Variants in PDE10A observed in about 807,000 individuals in gnomAD.
PDE10A encodes the protein cAMP and cAMP-inhibited cGMP 3',5'-cyclic phosphodiesterase 10A.
In PDE10A, 39 loss-of-function variants were observed where a neutral mutation model predicts 97.7. The observed-to-expected ratio is 0.40, with a 90% CI of 0.31 to 0.52. The LOEUF (loss-of-function observed/expected upper bound fraction) is 0.52. Ranked by LOEUF, PDE10A falls within the 20% of genes least tolerant of loss-of-function variation. The pLI is 0.56. For synonymous variants in PDE10A, 371 were observed against 376.8 expected (o/e 0.98, Z 0.18); for missense variants, 731 against 1,047.8 (o/e 0.70, Z 4.17).
chr6:165,345,077 A>G (rs1209538543), intron 18 of PDE10A, among the ~76,000 whole-genome samples: 2 of 152,218 alleles, frequency 1.3e-5, no homozygotes, highest in African/African-American at 4.8e-5. Flanking sequence ...AATGTGAAAA[A>G]CTACCATTTA....
At chr6:165,589,744 G>A (rs909544044) in intron 1 of PDE10A, among the ~76,000 whole-genome samples, 5 of 152,042 alleles carry the variant, frequency 3.3e-5, no homozygotes, top group South Asian at 4.1e-4. Flanking sequence ...AAATGTCACC[G>A]ACTGAAATTG....
At position 165,722,596 on chromosome 6, in the gene PDE10A, G is replaced by C. The variant is rs77847864; in HGVS notation, c.-614-179028C>G. Among the ~76,000 whole-genome samples the C allele has an allele frequency of 2.6e-5, 4 of 152,272 alleles. No individual in the cohort carries two copies. The South Asian group carries it at 6.2e-4, about 24-fold the overall frequency. On this transcript the variant is annotated intron_variant, in intron 1 of 19. Coordinates refer to the PDE10A transcript ENST00000366882. The stretch of plus-strand genomic sequence containing the variant: ...ACATACTGTCATAAAAGTTATGTGA[G>C]CGTGCTCTCTATCTCTCTCAAAATT...
chr6:165,486,443 G>A lies in PDE10A; in HGVS notation c.995-4100C>T, dbSNP rs533368797. 3.9e-5 allele frequency among the ~76,000 whole-genome samples: 6 copies of A among 152,282 alleles called. No individual in the cohort carries two copies. The South Asian group carries it at 8.3e-4, about 21-fold the overall frequency. On this transcript the variant is annotated intron_variant, in intron 2 of 21. Transcript: ENST00000539869. ...TACATACTAAACAATTGTGTGGCTG[G>A]AGCTCCTTAGGTCGCTTCTGAATGT...
chr6:165,410,939 A>AAAAAT (rs776965452), intron 13 of PDE10A, among the ~76,000 whole-genome samples: 2 of 38,506 alleles, frequency 5.2e-5, no homozygotes, highest in African/African-American at 4.5e-4. Context: ...ATACAAAAAA[A>AAAAAT]TAGCCGGGCG....
chr6:165,371,325 A>G (rs1465391939), intron 18 of PDE10A, among the ~76,000 whole-genome samples: 1 of 152,186 alleles, frequency 6.6e-6, no homozygotes, highest in Non-Finnish European at 1.5e-5. Context: ...AAATTGATAG[A>G]CTGCTAGCAA....
chr6:165,913,533 T>A (rs1259192878), intron 1 of PDE10A, among the ~76,000 whole-genome samples: 2 of 152,222 alleles, frequency 1.3e-5, no homozygotes, highest in Non-Finnish European at 2.9e-5. Flanking sequence ...ATTATTTTTA[T>A]TGTTGTATTG....
At chr6:165,589,280 C>A (rs3008062) in intron 1 of PDE10A, among the ~76,000 whole-genome samples, 1 of 152,056 alleles carries the variant, frequency 6.6e-6, no homozygotes, top group Admixed American at 6.5e-5. Flanking sequence ...TAAGGTCCCA[C>A]GCAGCCTGCT....
intron 1 of PDE10A, among the ~76,000 whole-genome samples, chr6:165,563,938 T>C (rs564054572): frequency 1.3e-5 from 2 of 150,468 alleles, no homozygotes; most frequent in East Asian, 3.9e-4. Flanking sequence ...AAAACATACA[T>C]GTACCTACAG....
rs1352420772 is a variant in PDE10A, at chr6:165,422,975, CTTG to C, written c.1654-4201_1654-4199del. Among the ~76,000 whole-genome samples the C allele has an allele frequency of 3.3e-5, 5 of 152,178 alleles. No individual in the cohort carries two copies. In the South Asian group the frequency reaches 6.2e-4, roughly 19 times the overall value. ...GAAACAAATGTGCTTCATTTATTAT[CTTG>C]TTGGTGAAGTGAGTGATATGATATA... On this transcript the variant is annotated intron_variant, in intron 10 of 21. Transcript: ENST00000539869.
chr6:165,680,368 G>A (rs1358264945), intron 1 of PDE10A, among the ~76,000 whole-genome samples: 5 of 152,234 alleles, frequency 3.3e-5, no homozygotes, highest in African/African-American at 9.6e-5. Flanking sequence ...AAACAAGAGA[G>A]GAAATGAGAT....
intron 1 of PDE10A, among the ~76,000 whole-genome samples, chr6:165,704,293 A>G (rs940389581): frequency 4.6e-5 from 7 of 152,322 alleles, no homozygotes; most frequent in African/African-American, 1.7e-4. Flanking sequence ...CCTGGGGATC[A>G]GGAAGGAAAC....
At chr6:165,727,960 T>G (rs1792340035) in intron 1 of PDE10A, among the ~76,000 whole-genome samples, 1 of 144,746 alleles carries the variant, frequency 6.9e-6, no homozygotes, top group Non-Finnish European at 1.5e-5. Flanking sequence ...TTGTGTTTTG[T>G]TTTTTTATTT....
chr6:165,973,579 A>G (rs908098740), intron 1 of PDE10A, among the ~76,000 whole-genome samples: 5 of 152,134 alleles, frequency 3.3e-5, no homozygotes, highest in Non-Finnish European at 7.3e-5. Context: ...TATGAAAAAA[A>G]AAAAAATTCT....
chr6:165,846,591 C>A (rs1780426002), intron 1 of PDE10A, among the ~76,000 whole-genome samples: 1 of 152,234 alleles, frequency 6.6e-6, no homozygotes, highest in African/African-American at 2.4e-5. Flanking sequence ...AGTCCACAAG[C>A]CTTTGCTGAA....
intron 1 of PDE10A, among the ~76,000 whole-genome samples, chr6:165,585,876 G>T (rs973666219): frequency 6.6e-6 from 1 of 152,174 alleles, no homozygotes; most frequent in Non-Finnish European, 1.5e-5. Flanking sequence ...GAGTGAGGCA[G>T]CAGTCGCATC....
At chr6:165,481,879 G>A (rs375171384) in intron 3 of PDE10A, among the ~76,000 whole-genome samples, 6 of 152,170 alleles carry the variant, frequency 3.9e-5, no homozygotes, top group South Asian at 2.1e-4. Flanking sequence ...GGCAGGTAGC[G>A]GACATGAGTA....
At chr6:165,376,611 T>G (rs1280659234) in intron 18 of PDE10A, among the ~76,000 whole-genome samples, 2 of 152,220 alleles carry the variant, frequency 1.3e-5, no homozygotes, top group Non-Finnish European at 2.9e-5. Context: ...TCTCGTCATA[T>G]TTTAAGAAAC....
intron 13 of PDE10A, among the ~76,000 whole-genome samples, chr6:165,411,079 T>A: frequency 1.7e-5 from 1 of 57,796 alleles, no homozygotes; most frequent in African/African-American, 1.2e-4. Context: ...AGAGCGAGAC[T>A]CCGCCTCAAA....
At chr6:165,663,312 G>A (rs900967500), upstream of PDE10A, among the ~76,000 whole-genome samples, 23 of 152,122 alleles carry the variant, frequency 1.5e-4, no homozygotes, top group South Asian at 3.1e-3. Flanking sequence ...CGCCCCGCGG[G>A]ACTCGGCCCC....
Sources: allele counts gnomAD v4.1 joint callset (sites outside exome capture counted in the v4.1 genomes callset), GRCh38; gene constraint gnomAD v4.1.1; transcripts MANE v1.5; gene names NCBI Gene and HGNC (gene_info 2026-07-23, HGNC 2026-07-21).